The following PPP2R2C variants were observed in gnomAD, a reference collection of about 807,000 sequenced individuals.
PPP2R2C encodes protein phosphatase 2, regulatory subunit B, gamma.
Under a neutral mutation model 45.3 loss-of-function variants are expected in PPP2R2C, and 10 were observed. The ratio of observed to expected loss-of-function variants is 0.22; its 90% CI spans 0.14 to 0.37. PPP2R2C has a LOEUF of 0.37. Ranked by LOEUF, PPP2R2C falls within the 10% of genes least tolerant of loss-of-function variation. PPP2R2C has a pLI of 1.00. For synonymous variants in PPP2R2C, 257 were observed against 245.4 expected, an observed-to-expected ratio of 1.05 and a Z score of -0.44; for missense variants, 308 against 619.7, an observed-to-expected ratio of 0.50 and a Z score of 5.34.
chr4:6,519,755 T>G (rs1197640636), intron 2 of PPP2R2C, among the ~76,000 whole-genome samples: 1 of 152,132 alleles, frequency 6.6e-6, no homozygotes, highest in Non-Finnish European at 1.5e-5. Context: ...CAGGCAATAC[T>G]GATATGCATG....
At chr4:6,498,129 A>C (rs542187594) in intron 2 of PPP2R2C, among the ~76,000 whole-genome samples, 15 of 152,240 alleles carry the variant, frequency 9.9e-5, no homozygotes, top group Non-Finnish European at 1.9e-4. Flanking sequence ...CGTGCAAATA[A>C]GGGAACAGGG....
At chr4:6,465,074 A>G (rs1003823412) in intron 1 of PPP2R2C, among the ~76,000 whole-genome samples, 4 of 152,206 alleles carry the variant, frequency 2.6e-5, no homozygotes, top group Admixed American at 6.5e-5. Flanking sequence ...GGGCGGGGCC[A>G]AGGTAACCAG....
At chr4:6,386,847 C>T (rs1716251191) in intron 1 of PPP2R2C, among the ~76,000 whole-genome samples, 1 of 151,986 alleles carries the variant, frequency 6.6e-6, no homozygotes, top group South Asian at 2.1e-4. Flanking sequence ...AGAAAATTGG[C>T]TCATACTTCA....
chr4:6,538,564 G>A (rs1188506257), intron 1 of PPP2R2C, among the ~76,000 whole-genome samples: 7 of 152,186 alleles, frequency 4.6e-5, no homozygotes, highest in South Asian at 2.1e-4. Flanking sequence ...ATGAGGTCAC[G>A]TCATCTTCCA....
chr4:6,369,665 G>A (rs767830646), intron 5 of PPP2R2C, among the ~76,000 whole-genome samples: 12 of 152,094 alleles, frequency 7.9e-5, no homozygotes, highest in East Asian at 1.9e-4. Flanking sequence ...TCATGCATCC[G>A]CCTCCTGCAC....
intron 2 of PPP2R2C, among the ~76,000 whole-genome samples, chr4:6,532,779 C>A (rs547322911): frequency 6.6e-6 from 1 of 152,356 alleles, no homozygotes; most frequent in African/African-American, 2.4e-5. Flanking sequence ...CCACCACCAT[C>A]ACCCACATGG....
chr4:6,367,056 G>C (rs1714381484), intron 5 of PPP2R2C, among the ~76,000 whole-genome samples: 1 of 151,778 alleles, frequency 6.6e-6, no homozygotes, highest in South Asian at 2.1e-4. Flanking sequence ...GGGTGAGAGA[G>C]AGGGAGGAGG....
At chr4:6,542,775 C>G (rs1423506733) in intron 1 of PPP2R2C, among the ~76,000 whole-genome samples, 1 of 151,144 alleles carries the variant, frequency 6.6e-6, no homozygotes, top group African/African-American at 2.4e-5. Flanking sequence ...AGATAAATTT[C>G]TAGAAAAATA....
intron 1 of PPP2R2C, among the ~76,000 whole-genome samples, chr4:6,466,322 T>C (rs1267649804): frequency 6.6e-6 from 1 of 152,154 alleles, no homozygotes; most frequent in Non-Finnish European, 1.5e-5. Flanking sequence ...GTGAAATTCT[T>C]AAAAATTTCA....
intron 1 of PPP2R2C, among the ~76,000 whole-genome samples, chr4:6,431,546 G>T (rs1211500542): frequency 6.6e-6 from 1 of 152,284 alleles, no homozygotes; most frequent in African/African-American, 2.4e-5. Flanking sequence ...TCCCCAAGGG[G>T]CTAAGTCCAA....
At chr4:6,533,985 C>T (rs1290742311) in intron 2 of PPP2R2C, among the ~76,000 whole-genome samples, 1 of 149,562 alleles carries the variant, frequency 6.7e-6, no homozygotes, top group Non-Finnish European at 1.5e-5. Context: ...ATACACATAC[C>T]CCAAACACAC....
chr4:6,352,367 C>T (rs1050285891), intron 5 of PPP2R2C, among the ~76,000 whole-genome samples: 2 of 152,192 alleles, frequency 1.3e-5, no homozygotes, highest in African/African-American at 2.4e-5. Flanking sequence ...GTGGCCCCAC[C>T]CCAGCTTCAT....
rs576821602 is a variant in PPP2R2C, at chr4:6,466,377, G to A, written c.70+5783C>T. On this transcript the variant is annotated intron_variant, in intron 1 of 8. Transcript: ENST00000382599. ...TGAACCCAAGCACAGGTCCTTCTGA[G>A]TGTGGGGACCTAGATGACCACACAG... 1.3e-4 allele frequency among the ~76,000 whole-genome samples: 20 copies of A among 152,304 alleles called. No individual in the cohort carries two copies. In the South Asian group the frequency reaches 4.1e-3, roughly 32 times the overall value.
At chr4:6,555,477 G>C (rs969228540) in intron 1 of PPP2R2C, 24 of 152,280 alleles carry the variant, frequency 1.6e-4, no homozygotes, top group African/African-American at 5.1e-4. Context: ...TGGCTGTGCA[G>C]GTGACAGTCA....
At chr4:6,403,111 G>A (rs947366383) in intron 1 of PPP2R2C, among the ~76,000 whole-genome samples, 1 of 152,378 alleles carries the variant, frequency 6.6e-6, no homozygotes, top group South Asian at 2.1e-4. Context: ...GCAGTCTGAA[G>A]ACTTCAATTA....
intron 2 of PPP2R2C, among the ~76,000 whole-genome samples, chr4:6,501,937 A>G (rs1407633000): frequency 6.6e-6 from 1 of 152,216 alleles, no homozygotes; most frequent in Non-Finnish European, 1.5e-5. Flanking sequence ...GGTGCTTAGA[A>G]AGCATTTGCT....
At chr4:6,354,217 T>A (rs1322177280) in intron 5 of PPP2R2C, among the ~76,000 whole-genome samples, 2 of 151,642 alleles carry the variant, frequency 1.3e-5, no homozygotes, top group African/African-American at 4.8e-5. Flanking sequence ...CCCTGCGTGT[T>A]GGCCTCTCCC....
intron 6 of PPP2R2C, among the ~76,000 whole-genome samples, chr4:6,334,054 C>T (rs1577073197): frequency 6.6e-6 from 1 of 152,220 alleles, no homozygotes; most frequent in Non-Finnish European, 1.5e-5. Context: ...CTGCCCTCTA[C>T]TGCCCCCTAC....
intron 5 of PPP2R2C, among the ~76,000 whole-genome samples, chr4:6,369,158 C>T (rs779232166): frequency 2.6e-5 from 4 of 152,212 alleles, no homozygotes; most frequent in Non-Finnish European, 5.9e-5. Context: ...CCACATGTGG[C>T]TATTTCGTTT....
Sources: allele counts gnomAD v4.1 joint callset (sites outside exome capture counted in the v4.1 genomes callset), GRCh38; gene constraint gnomAD v4.1.1; transcripts MANE v1.5; gene names NCBI Gene and HGNC (gene_info 2026-07-23, HGNC 2026-07-21).